AGBL1: variants seen among roughly 807,000 people sequenced by gnomAD.
AGBL1 encodes cytosolic carboxypeptidase 4.
A neutral mutation model predicts 118.9 loss-of-function variants in AGBL1; 130 were observed. The ratio of observed to expected loss-of-function variants is 1.09; its 90% CI spans 0.95 to 1.26. AGBL1 has a LOEUF of 1.26. Among genes scored for constraint, AGBL1 ranks in the 50% most tolerant of loss-of-function variants. AGBL1 has a pLI of 0.00. For missense variants in AGBL1, 1,584 were observed against 1,298.1 expected, an observed-to-expected ratio of 1.22 and a Z score of -3.38; for synonymous variants, 555 against 478.9, an observed-to-expected ratio of 1.16 and a Z score of -2.08.
intron 18 of AGBL1, among the ~76,000 whole-genome samples, chr15:86,518,219 T>C (rs544425195): frequency 8.5e-5 from 13 of 152,196 alleles, no homozygotes; most frequent in Admixed American, 1.3e-4. Context: ...TGTGGTCCTT[T>C]CTTGGCTTTA....
At chr15:86,774,904 C>G (rs1160145889) in intron 22 of AGBL1, among the ~76,000 whole-genome samples, 1 of 151,992 alleles carries the variant, frequency 6.6e-6, no homozygotes, top group Non-Finnish European at 1.5e-5. Flanking sequence ...AAATGCCATG[C>G]TAAGGAGTGA....
At chr15:86,264,864 T>G in intron 11 of AGBL1, 26 bp downstream of exon 11, 3 of 1,526,742 alleles carry the variant, frequency 2.0e-6, no homozygotes, top group Non-Finnish European at 2.6e-6. Context: ...ACTTGGGAGC[T>G]CTTTTTTTCT....
At chr15:86,185,531 A>G (rs1364837978) in intron 5 of AGBL1, among the ~76,000 whole-genome samples, 2 of 152,210 alleles carry the variant, frequency 1.3e-5, no homozygotes, top group East Asian at 1.9e-4. Context: ...GATAGACTGG[A>G]TTAAGAAAAC....
At chr15:86,746,121 T>A (rs1018817631) in intron 22 of AGBL1, among the ~76,000 whole-genome samples, 2 of 152,034 alleles carry the variant, frequency 1.3e-5, no homozygotes, top group African/African-American at 4.8e-5. Context: ...TTCCCTGAAG[T>A]CTGTTCACCA....
intron 5 of AGBL1, among the ~76,000 whole-genome samples, chr15:86,203,772 A>T (rs1192665685): frequency 6.6e-6 from 1 of 152,032 alleles, no homozygotes; most frequent in Non-Finnish European, 1.5e-5. Context: ...TCGTATTTCC[A>T]TTCTGAAATT....
At chr15:86,130,425 A>G (rs959476953) in intron 1 of AGBL1, among the ~76,000 whole-genome samples, 1 of 152,106 alleles carries the variant, frequency 6.6e-6, no homozygotes, top group Non-Finnish European at 1.5e-5. Context: ...AGCCTGAAAA[A>G]TCGTGTCTTC....
intron 24 of AGBL1, among the ~76,000 whole-genome samples, chr15:87,010,300 A>T (rs1022407787): frequency 1.3e-5 from 2 of 152,132 alleles, no homozygotes; most frequent in African/African-American, 4.8e-5. Context: ...CCCTCCATGT[A>T]AGATTGACTT....
chr15:86,385,293 T>C (rs1447759874), intron 17 of AGBL1, among the ~76,000 whole-genome samples: 1 of 152,222 alleles, frequency 6.6e-6, no homozygotes, highest in Non-Finnish European at 1.5e-5. Flanking sequence ...ATGTGGCTAC[T>C]AGAAAAAATA....
chr15:86,153,800 T>G lies in AGBL1; in HGVS notation c.263-630T>G, dbSNP rs558818205. Reference sequence around the variant, plus strand: ...TTAGTTCTAACCAATGTTAACATTTTGCCGTATTTTCTTCACCTATTTATT... The same window carrying G: ...TTAGTTCTAACCAATGTTAACATTTGGCCGTATTTTCTTCACCTATTTATT... On this transcript the variant is annotated intron_variant, in intron 3 of 22. Transcript: ENST00000614907. Among the ~76,000 whole-genome samples, 106 of 152,314 alleles carry G rather than the reference T, an allele frequency of 7.0e-4. 1 individual carries two copies. The highest frequency in any genetic ancestry group is 2.5e-3 in the African/African-American group (104 of 41,578).
At chr15:86,997,759 C>CT (rs981876285) in intron 24 of AGBL1, among the ~76,000 whole-genome samples, 10 of 151,874 alleles carry the variant, frequency 6.6e-5, no homozygotes, top group East Asian at 1.9e-4. Context: ...ATCTCTGCTC[C>CT]TTTTTTTTAA....
At chr15:86,427,018 G>T (rs1038200027) in intron 18 of AGBL1, among the ~76,000 whole-genome samples, 1 of 151,976 alleles carries the variant, frequency 6.6e-6, no homozygotes, top group Non-Finnish European at 1.5e-5. Flanking sequence ...CGCCTGCCTC[G>T]GCCTCCGAAA....
intron 23 of AGBL1, among the ~76,000 whole-genome samples, chr15:86,941,222 C>T (rs1006365227): frequency 7.9e-5 from 12 of 152,196 alleles, no homozygotes; most frequent in African/African-American, 2.7e-4. Context: ...GTTAAATATT[C>T]TGAGACTCTT....
intron 21 of AGBL1, among the ~76,000 whole-genome samples, chr15:86,573,746 T>A (rs2084042635): frequency 6.6e-6 from 1 of 152,186 alleles, no homozygotes; most frequent in Admixed American, 6.5e-5. Flanking sequence ...CTGGTATTTC[T>A]ATGAAGCTTA....
At chr15:86,990,775 G>C (rs775611751) in intron 24 of AGBL1, among the ~76,000 whole-genome samples, 1 of 152,146 alleles carries the variant, frequency 6.6e-6, no homozygotes, top group Admixed American at 6.5e-5. Flanking sequence ...CATCAAACAA[G>C]GTCTACCTCC....
intron 19 of AGBL1, among the ~76,000 whole-genome samples, chr15:86,537,177 C>T (rs1860357774): frequency 6.6e-6 from 1 of 152,170 alleles, no homozygotes; most frequent in South Asian, 2.1e-4. Context: ...AGTATTCAGT[C>T]CCCAGCCTAC....
At chr15:86,083,863 C>T (rs1470535811) in intron 1 of AGBL1, 2 of 152,188 alleles carry the variant, frequency 1.3e-5, no homozygotes, top group Non-Finnish European at 2.9e-5. Flanking sequence ...ACTATTGTAT[C>T]CATAGGGTCA....
chr15:86,300,714 A>G (rs1300189110), intron 17 of AGBL1, among the ~76,000 whole-genome samples: 1 of 152,156 alleles, frequency 6.6e-6, no homozygotes, highest in Non-Finnish European at 1.5e-5. Flanking sequence ...TGTTCTTTCC[A>G]GGGGGCCTGA....
intron 22 of AGBL1, among the ~76,000 whole-genome samples, chr15:86,784,477 G>A (rs1287931964): frequency 6.6e-6 from 1 of 152,188 alleles, no homozygotes. Context: ...CGTTATGAAT[G>A]CAGAGACCCA....
chr15:86,361,348 T>C (rs576834097), intron 17 of AGBL1, among the ~76,000 whole-genome samples: 8 of 152,210 alleles, frequency 5.3e-5, no homozygotes, highest in African/African-American at 1.7e-4. Context: ...TTGTTAAGAA[T>C]TGTTTAGTGA....
Sources: gnomAD v4.1 joint callset for allele counts (sites outside exome capture counted in the v4.1 genomes callset) on GRCh38, gnomAD v4.1.1 for gene constraint, MANE v1.5 for transcripts, NCBI Gene and HGNC (gene_info 2026-07-23, HGNC 2026-07-21) for gene names.